TBXAS1: variants seen among roughly 807,000 people sequenced by gnomAD.
TBXAS1 encodes thromboxane-A synthase.
Under a neutral mutation model 60.7 loss-of-function variants are expected in TBXAS1, and 48 were observed. The ratio of observed to expected loss-of-function variants is 0.79; its 90% CI spans 0.63 to 1.01. The LOEUF is 1.01. TBXAS1 is among the 50% of genes least tolerant of loss of function. The probability of loss-of-function intolerance (pLI) is 0.00; values close to 1 mark genes in which losing one functional copy is unlikely to be tolerated. For missense variants in TBXAS1, 685 were observed against 686.3 expected, an observed-to-expected ratio of 1.00 and a Z score of 0.02; for synonymous variants, 287 against 269.7, an observed-to-expected ratio of 1.06 and a Z score of -0.63.
At chr7:139,867,583 G>A (rs1277120405) in intron 1 of TBXAS1, among the ~76,000 whole-genome samples, 1 of 152,162 alleles carries the variant, frequency 6.6e-6, no homozygotes, top group Non-Finnish European at 1.5e-5. Context: ...CACTTTGGAA[G>A]GCCAAGGCAG....
At chr7:139,990,854 G>T (rs1322831625) in intron 9 of TBXAS1, among the ~76,000 whole-genome samples, 1 of 152,148 alleles carries the variant, frequency 6.6e-6, no homozygotes, top group Non-Finnish European at 1.5e-5. Flanking sequence ...AGAGTCACCT[G>T]TGACACCTGG....
intron 9 of TBXAS1, among the ~76,000 whole-genome samples, chr7:139,989,418 C>T (rs1452572912): frequency 1.3e-5 from 2 of 152,238 alleles, no homozygotes; most frequent in African/African-American, 2.4e-5. Context: ...CTAAGGAAAA[C>T]AACAAGGCTG....
intron 4 of TBXAS1, among the ~76,000 whole-genome samples, chr7:139,921,077 A>G (rs1013028436): frequency 2.0e-5 from 3 of 152,140 alleles, no homozygotes; most frequent in African/African-American, 7.2e-5. Flanking sequence ...AATGTTTATT[A>G]TTCCTTAGTA....
At chr7:139,955,688 G>T (rs1809813937) in intron 7 of TBXAS1, 81 bp downstream of exon 7, 1 of 1,594,586 alleles carries the variant, frequency 6.3e-7, no homozygotes, top group Non-Finnish European at 8.5e-7. Flanking sequence ...TGGCTTCTGG[G>T]GCTCTGTCCC....
chr7:139,921,244 T>G (rs1806446736), intron 4 of TBXAS1, among the ~76,000 whole-genome samples: 1 of 152,122 alleles, frequency 6.6e-6, no homozygotes, highest in Non-Finnish European at 1.5e-5. Flanking sequence ...AGTCAACCCA[T>G]CCCTACCATC....
intron 9 of TBXAS1, among the ~76,000 whole-genome samples, chr7:139,998,124 C>G (rs1813423969): frequency 6.6e-6 from 1 of 152,180 alleles, no homozygotes; most frequent in Non-Finnish European, 1.5e-5. Flanking sequence ...GAAAAGCCTG[C>G]ATGGAAATAT....
intron 9 of TBXAS1, among the ~76,000 whole-genome samples, chr7:140,001,440 G>A (rs762800553): frequency 2.0e-5 from 3 of 152,198 alleles, no homozygotes; most frequent in Non-Finnish European, 4.4e-5. Flanking sequence ...CACCCAGGCT[G>A]TAGTGCAGTG....
At position 139,947,485 on chromosome 7, in the gene TBXAS1, G is replaced by A. The variant is rs145776778; in HGVS notation, c.451-5883G>A. ...ACCTAGGTGATGGGTTGATAGGTGCGGCAAACCACCATGGCATATATTTAC... is the reference window on the plus strand; with the variant it reads ...ACCTAGGTGATGGGTTGATAGGTGCAGCAAACCACCATGGCATATATTTAC... On this transcript the variant is annotated intron_variant, in intron 5 of 12. Transcript: ENST00000448866. 3.6e-3 allele frequency among the ~76,000 whole-genome samples: 549 copies of A among 152,176 alleles called. 4 individuals carry two copies. Among genetic ancestry groups the A allele is most frequent in the African/African-American group, 0.012 (514 of 41,518 alleles).
intron 1 of TBXAS1, among the ~76,000 whole-genome samples, chr7:139,861,543 C>T (rs1452470362): frequency 6.6e-6 from 1 of 151,834 alleles, no homozygotes; most frequent in East Asian, 1.9e-4. Context: ...GAGCGAGCCA[C>T]TGTGCCTGGC....
chr7:139,983,533 G>A (rs1446373228), intron 9 of TBXAS1, among the ~76,000 whole-genome samples: 1 of 152,098 alleles, frequency 6.6e-6, no homozygotes, highest in Non-Finnish European at 1.5e-5. Context: ...AGGATGCAGG[G>A]GCTGCTGAGC....
chr7:139,943,094 C>T (rs184621628), intron 5 of TBXAS1, among the ~76,000 whole-genome samples: 7 of 152,318 alleles, frequency 4.6e-5, no homozygotes, highest in Middle Eastern at 3.4e-3. Context: ...AGGCAGAACA[C>T]GCTTCCCAAT....
At chr7:140,008,447 C>CA (rs1554507864) in intron 10 of TBXAS1, among the ~76,000 whole-genome samples, 1 of 126,058 alleles carries the variant, frequency 7.9e-6, no homozygotes, top group Non-Finnish European at 1.6e-5. Flanking sequence ...TTCTTTTATT[C>CA]TTTTTTTTTT....
At chr7:139,802,102 T>G (rs1797737728) in intron 4 of TBXAS1, among the ~76,000 whole-genome samples, 1 of 152,216 alleles carries the variant, frequency 6.6e-6, no homozygotes, top group Non-Finnish European at 1.5e-5. Flanking sequence ...CTCATATCAC[T>G]TTGTTGGCTT....
At chr7:139,937,970 C>T (rs1343982277) in intron 5 of TBXAS1, among the ~76,000 whole-genome samples, 1 of 152,034 alleles carries the variant, frequency 6.6e-6, no homozygotes, top group Admixed American at 6.6e-5. Context: ...TATTTTCTGC[C>T]TAAGTTTGGA....
intron 9 of TBXAS1, among the ~76,000 whole-genome samples, chr7:139,973,157 G>A (rs183590272): frequency 1.3e-5 from 2 of 152,278 alleles, no homozygotes; most frequent in African/African-American, 4.8e-5. Flanking sequence ...GGCCTCCGAG[G>A]AGACCTCTGG....
At chr7:139,936,740 C>A (rs1321006241) in intron 5 of TBXAS1, among the ~76,000 whole-genome samples, 2 of 152,190 alleles carry the variant, frequency 1.3e-5, no homozygotes, top group Non-Finnish European at 2.9e-5. Flanking sequence ...CAGGTAATTT[C>A]GTTGTTACTG....
In TBXAS1 at chr7:139,999,507, G is replaced by C. The variant is rs1311459220; in HGVS notation, c.1135-7584G>C. Reference sequence around the variant, plus strand: ...CCATTGCACTCCAGCCTGGGGGATAGAGCAAGACTCTGTCTCCAAAAAACC... The same window carrying C: ...CCATTGCACTCCAGCCTGGGGGATACAGCAAGACTCTGTCTCCAAAAAACC... On this transcript the variant is annotated intron_variant, in intron 9 of 12. Transcript: ENST00000448866. The surrounding 1 kb of genome is among the most constrained non-coding windows in gnomAD (Gnocchi z 4.3). 3.3e-5 allele frequency among the ~76,000 whole-genome samples: 5 copies of C among 152,214 alleles called. No homozygotes were observed. The highest frequency in any genetic ancestry group is 3.8e-4 in the East Asian group (2 of 5,202).
chr7:139,917,021 C>T (rs1233908855), intron 4 of TBXAS1, among the ~76,000 whole-genome samples: 1 of 152,248 alleles, frequency 6.6e-6, no homozygotes, highest in Admixed American at 6.5e-5. Context: ...GATGTTCAAA[C>T]ATGTGCATCA....
At chr7:140,011,004 G>A (rs1211283648) in intron 10 of TBXAS1, among the ~76,000 whole-genome samples, 1 of 151,450 alleles carries the variant, frequency 6.6e-6, no homozygotes, top group Non-Finnish European at 1.5e-5. Flanking sequence ...CCGGCCGGGT[G>A]TAGTGGTTCA....
Sources: gnomAD v4.1 joint callset for allele counts (sites outside exome capture counted in the v4.1 genomes callset) on GRCh38, gnomAD v4.1.1 for gene constraint, Gnocchi (gnomAD v3.1) non-coding constraint, MANE v1.5 for transcripts, NCBI Gene and HGNC (gene_info 2026-07-23, HGNC 2026-07-21) for gene names.